Variants in ELOA observed in about 807,000 individuals in gnomAD.
ELOA encodes the protein elongin-A.
A neutral mutation model predicts 85.2 loss-of-function variants in ELOA; 15 were observed. The ratio of observed to expected loss-of-function variants is 0.18; its 90% confidence interval spans 0.12 to 0.27. ELOA has a LOEUF of 0.27. ELOA is among the 10% of genes least tolerant of loss of function. The probability of loss-of-function intolerance (pLI) is 1.00; values close to 1 mark genes in which losing one functional copy is unlikely to be tolerated. For missense variants in ELOA, 769 were observed against 952.7 expected (o/e 0.81, Z 2.54); for synonymous variants, 348 against 357.2 (o/e 0.97, Z 0.29).
chr1:23,751,539 A>T lies in ELOA; in HGVS notation c.934A>T (p.Lys312Ter), dbSNP rs1270417320. Residue 312 changes from lysine to a stop codon, truncating the protein, a stop_gained, in exon 4 of 11, where the codon AAG becomes TAG. Transcript: ENST00000613537. LOFTEE classifies it high-confidence loss of function. ...KDREGSSLKK[K>*]CLPPSEAASD... ...CAGAGAGGGCAGCAGCCTGAAGAAG[A>T]AGTGTTTGCCTCCCTCAGAGGCCGC... 1 of 1,614,142 alleles carries T rather than the reference A, an allele frequency of 6.2e-7. No individual in the cohort carries two copies. The highest frequency in any genetic ancestry group is 1.1e-5 in the South Asian group (1 of 91,088).
rs1003632580 is a variant in ELOA at position 23,749,023 on chromosome 1, A to G, written c.78A>G (p.Leu26=). 13 of 1,612,696 alleles carry G rather than the reference A, an allele frequency of 8.1e-6. No individual in the cohort carries two copies. Among genetic ancestry groups the G allele is most frequent in the Admixed American group, 1.7e-5 (1 of 60,014 alleles). The change falls in exon 2 of 11, where the codon CTA becomes CTG. Residue 26 remains leucine (L), a splice_region_variant and synonymous_variant. Transcript: ENST00000613537. ...RLAANPDPKK[L]LKYLKKLSTL... ...AATTAATGTTTTCTTCTCTGCAGCTATTGAAATATTTGAAGAAACTCTCCA... is the reference window on the plus strand; with the variant it reads ...AATTAATGTTTTCTTCTCTGCAGCTGTTGAAATATTTGAAGAAACTCTCCA...
chr1:23,748,533 A>T (rs1644756352), intron 1 of ELOA, among the ~76,000 whole-genome samples: 1 of 152,218 alleles, frequency 6.6e-6, no homozygotes, highest in Admixed American at 6.5e-5. Flanking sequence ...ACTTATGTAG[A>T]AGAAAACAAT....
At position 23,757,243 on chromosome 1, in the gene ELOA, C is replaced by G. The variant is rs1299872785; in HGVS notation, c.2257+118C>G. On this transcript the variant is annotated intron_variant, in intron 10 of 10. Transcript: ENST00000613537. ...CATGTTGCATGTACATGATGCCTTG[C>G]ACATAGCTGGTCTGAATGTCAGTCC... The G allele has an allele frequency of 2.0e-5, 23 of 1,132,384 alleles. No homozygotes were observed. The East Asian group carries it at 6.3e-4, about 31-fold the overall frequency. The allele number at this position is 1,132,384 out of a possible 1,614,324, so 70.1% of individuals were successfully genotyped here.
At chr1:23,750,208 C>T (rs1644763577) in intron 3 of ELOA, among the ~76,000 whole-genome samples, 1 of 127,366 alleles carries the variant, frequency 7.9e-6, no homozygotes, top group Admixed American at 9.3e-5. Context: ...CAGAGTCTCG[C>T]TCTGTTGCCC....
In ELOA at chr1:23,749,867, A is replaced by T; in HGVS notation, c.158A>T (p.Asn53Ile). The change falls in exon 3 of 11, where the codon AAT becomes ATT. Residue 53 changes from asparagine to isoleucine, a missense_variant. Physicochemically the swap from Asn to Ile is moderately radical, Grantham distance 149. Transcript: ENST00000613537. ...LAETGVGKTV[N>I]SLRKHEHVGS... ...GAGACTGGGGTTGGGAAAACAGTAA[A>T]TAGCTTGCGAAAACACGAGCATGTT... 6.2e-7 allele frequency: 1 copy of T among 1,614,008 alleles called. No homozygotes were observed. The highest frequency in any genetic ancestry group is 8.5e-7 in the Non-Finnish European group (1 of 1,179,902).
rs776440113 is a variant in ELOA at position 23,751,140 on chromosome 1, T to A, written c.535T>A (p.Ser179Thr). The A allele has an allele frequency of 6.2e-7, 1 of 1,613,982 alleles. No homozygotes were observed. The highest frequency in any genetic ancestry group is 2.2e-5 in the East Asian group (1 of 44,880). ...GTCTTCTGATTATGGCCATGTTCAA[T>A]CCCCTCCATCTTGTACCAGTCCTCA... ...PESSDYGHVQ[S>T]PPSCTSPHQM... The change falls in exon 4 of 11, where the codon TCC becomes ACC. Residue 179 changes from serine to threonine, a missense_variant. Transcript: ENST00000613537.
rs868061662 is a variant in ELOA at position 23,752,165 on chromosome 1, C to T, written c.1425+135C>T. 5 of 921,460 alleles carry T rather than the reference C, an allele frequency of 5.4e-6. No individual in the cohort carries two copies. The Middle Eastern group carries it at 1.2e-3, about 218-fold the overall frequency. The allele number at this position is 921,460 out of a possible 1,614,324, so 57.1% of individuals were successfully genotyped here. ...GAATTTCAGTGTGCAGTAATTTCCTCTGGGCTTCACTGGTTGTCAGGGTAT... is the reference window on the plus strand; with the variant it reads ...GAATTTCAGTGTGCAGTAATTTCCTTTGGGCTTCACTGGTTGTCAGGGTAT... On this transcript the variant is annotated intron_variant, in intron 4 of 10. Transcript: ENST00000613537.
At chr1:23,749,189 C>A in intron 2 of ELOA, 112 bp downstream of exon 2, 1 of 869,230 alleles carries the variant, frequency 1.2e-6, no homozygotes, top group Non-Finnish European at 1.8e-6. Flanking sequence ...AGAAACCAGA[C>A]ACAAAAGGCC....
intron 1 of ELOA, among the ~76,000 whole-genome samples, chr1:23,746,170 T>A (rs1257862525): frequency 1.3e-5 from 2 of 149,398 alleles, no homozygotes; most frequent in Admixed American, 6.7e-5. Context: ...GCGCCTGTAA[T>A]CCCAGCTGCT....
At chr1:23,758,578 T>C (rs1638248017) in intron 10 of ELOA, among the ~76,000 whole-genome samples, 1 of 148,890 alleles carries the variant, frequency 6.7e-6, no homozygotes, top group Admixed American at 6.9e-5. Flanking sequence ...TGGCCGGGTC[T>C]TCCAAATATT....
rs191883233 is a variant in ELOA, at chr1:23,758,198, T to C, written c.2257+1073T>C. On this transcript the variant is annotated intron_variant, in intron 10 of 10. Coordinates refer to ENST00000613537, the MANE Select transcript of ELOA (RefSeq NM_003198.3). Reference sequence around the variant, plus strand: ...CTCTTACTGTTTTTTTATAGTCTTATAACTCTAGCTTCCAAATATTTATTC... The same window carrying C: ...CTCTTACTGTTTTTTTATAGTCTTACAACTCTAGCTTCCAAATATTTATTC... Among the ~76,000 whole-genome samples, 16 of 150,520 alleles carry C rather than the reference T, an allele frequency of 1.1e-4. No homozygotes were observed. In the East Asian group the frequency reaches 2.7e-3, roughly 26 times the overall value.
At chr1:23,757,684 A>G in intron 10 of ELOA, among the ~76,000 whole-genome samples, 1 of 152,058 alleles carries the variant, frequency 6.6e-6, no homozygotes. Context: ...ATTTTTTAGT[A>G]GAGACGGGGT....
intron 10 of ELOA, among the ~76,000 whole-genome samples, chr1:23,758,353 A>G (rs1638241546): frequency 7.9e-6 from 1 of 126,464 alleles, no homozygotes; most frequent in Non-Finnish European, 1.6e-5. Flanking sequence ...GGCTCACTGC[A>G]ACCTCCACCT....
intron 1 of ELOA, among the ~76,000 whole-genome samples, chr1:23,747,381 G>A (rs1459208790): frequency 6.6e-6 from 1 of 152,306 alleles, no homozygotes; most frequent in African/African-American, 2.4e-5. Context: ...ACCTGATTGG[G>A]TTCAGTTGCA....
rs1295968960 is a variant in ELOA, at chr1:23,751,642, A to G, written c.1037A>G (p.Asp346Gly). Residue 346 changes from aspartate to glycine, a missense_variant, in exon 4 of 11, where the codon GAC becomes GGC. Transcript: ENST00000613537. ...AKLDKSKQGL[D>G]SFDTGKGAGD... ...TTGGACAAAAGCAAGCAAGGTCTGG[A>G]CAGCTTTGACACAGGAAAAGGAGCA... 1 of 1,614,118 alleles carries G rather than the reference A, an allele frequency of 6.2e-7. No individual in the cohort carries two copies. Among genetic ancestry groups the G allele is most frequent in the African/African-American group, 1.3e-5 (1 of 74,950 alleles).
chr1:23,748,985 A>G, intron 1 of ELOA, 36 bp from the exon 2 acceptor site: 2 of 1,563,984 alleles, frequency 1.3e-6, no homozygotes, highest in Non-Finnish European at 1.8e-6. Flanking sequence ...GTTAAAGTGA[A>G]TTTGACTATT....
chr1:23,753,596 G>C (rs1644782123), intron 5 of ELOA, among the ~76,000 whole-genome samples: 1 of 151,640 alleles, frequency 6.6e-6, no homozygotes, highest in Non-Finnish European at 1.5e-5. Context: ...CTATGCCACA[G>C]TAAAAAAAAA....
intron 1 of ELOA, among the ~76,000 whole-genome samples, chr1:23,747,381 G>C (rs1459208790): frequency 6.6e-6 from 1 of 152,188 alleles, no homozygotes; most frequent in Admixed American, 6.5e-5. Context: ...ACCTGATTGG[G>C]TTCAGTTGCA....
Position 23,757,108 on chromosome 1 carries a change from G to C in ELOA, c.2240G>C (p.Arg747Thr). The C allele has an allele frequency of 6.4e-7, 1 of 1,568,100 alleles. No individual in the cohort carries two copies. Among genetic ancestry groups the C allele is most frequent in the Non-Finnish European group, 8.6e-7 (1 of 1,163,218 alleles). ...AGCAGCACTGTTTCCTATGATCCTA[G>C]GAAACCCACTGTGAAGAGTAAGTAA... ...VVSSTVSYDP[R>T]KPTVKKIAPM... Residue 747 changes from arginine to threonine, a missense_variant, in exon 10 of 11, where the codon AGG becomes ACG. Coordinates refer to ENST00000613537, the MANE Select transcript of ELOA (RefSeq NM_003198.3).
Sources: allele counts gnomAD v4.1 joint callset (sites outside exome capture counted in the v4.1 genomes callset), GRCh38; gene constraint gnomAD v4.1.1; transcripts MANE v1.5; gene names NCBI Gene and HGNC (gene_info 2026-07-23, HGNC 2026-07-21).